ZMYM4: variants seen among roughly 807,000 people sequenced by gnomAD.
ZMYM4 encodes zinc finger MYM-type protein 4.
ZMYM4 carries 31 observed loss-of-function variants against 183.2 expected under a neutral mutation model. That is an observed-to-expected ratio of 0.17 (90% confidence interval 0.13 to 0.23). The LOEUF (loss-of-function observed/expected upper bound fraction) is 0.23, where lower values mean the gene tolerates loss of function less well. Ranked by LOEUF, ZMYM4 falls within the 10% of genes least tolerant of loss-of-function variation. The pLI is 1.00. For synonymous variants in ZMYM4, 592 were observed against 631.2 expected, an observed-to-expected ratio of 0.94 and a Z score of 0.93; for missense variants, 1,273 against 1,840.3, an observed-to-expected ratio of 0.69 and a Z score of 5.64.
chr1:35,385,711 G>T lies in ZMYM4; in HGVS notation c.1720+119G>T, dbSNP rs528900145. ...CACATTTAACATATTTCAGATATTT[G>T]TTGTAAAATATCACCTGTTACCTTG... On this transcript the variant is annotated intron_variant, in intron 10 of 29. Transcript: ENST00000314607. 6 of 1,182,276 alleles carry T rather than the reference G, an allele frequency of 5.1e-6. No homozygotes were observed. In the African/African-American group the frequency reaches 6.4e-5, roughly 13 times the overall value. The allele number at this position is 1,182,276 out of a possible 1,614,324, so 73.2% of individuals were successfully genotyped here.
intron 26 of ZMYM4, 31 bp from the exon 27 acceptor site, chr1:35,413,938 TCAA>T (rs1422112738): frequency 1.7e-6 from 2 of 1,211,004 alleles, no homozygotes; most frequent in Non-Finnish European, 2.3e-6. Flanking sequence ...TTTCTTTTTA[TCAA>T]CATGTATATT....
chr1:35,272,846 C>T (rs1639684329), intron 1 of ZMYM4, among the ~76,000 whole-genome samples: 1 of 152,122 alleles, frequency 6.6e-6, no homozygotes, highest in Non-Finnish European at 1.5e-5. Flanking sequence ...GTAGCTGGGA[C>T]TACAGGCTCC....
At chr1:35,317,660 A>G (rs559678956) in intron 1 of ZMYM4, among the ~76,000 whole-genome samples, 1 of 152,308 alleles carries the variant, frequency 6.6e-6, no homozygotes, top group African/African-American at 2.4e-5. Context: ...GTTTTCTGGT[A>G]AAGATGCTAG....
intron 2 of ZMYM4, among the ~76,000 whole-genome samples, chr1:35,347,140 G>A (rs1274638144): frequency 6.6e-6 from 1 of 152,118 alleles, no homozygotes; most frequent in Non-Finnish European, 1.5e-5. Flanking sequence ...TGAGTAGCTG[G>A]GATTACAGGC....
At chr1:35,378,772 C>T (rs895533144) in intron 7 of ZMYM4, among the ~76,000 whole-genome samples, 2 of 152,194 alleles carry the variant, frequency 1.3e-5, no homozygotes, top group African/African-American at 4.8e-5. Flanking sequence ...GTTTCTTCTA[C>T]ATTGAGAATC....
chr1:35,274,615 TTAAAA>T, intron 1 of ZMYM4, among the ~76,000 whole-genome samples: 2 of 142,440 alleles, frequency 1.4e-5, no homozygotes, highest in African/African-American at 5.3e-5. Flanking sequence ...GTTTTTTTTT[TTAAAA>T]AAAAAAAAAA....
chr1:35,286,325 C>T (rs1276342518), intron 1 of ZMYM4, among the ~76,000 whole-genome samples: 1 of 151,932 alleles, frequency 6.6e-6, no homozygotes, highest in East Asian at 1.9e-4. Flanking sequence ...AATACTGAAA[C>T]ACCTGTATCC....
At chr1:35,368,584 A>C (rs1379116668) in intron 5 of ZMYM4, among the ~76,000 whole-genome samples, 1 of 152,164 alleles carries the variant, frequency 6.6e-6, no homozygotes, top group Non-Finnish European at 1.5e-5. Flanking sequence ...AAATTACTGG[A>C]GTAAATATAA....
rs1426053709 is a variant in ZMYM4, at chr1:35,370,356, T to C, written c.926-16T>C. 7.4e-7 allele frequency: 1 copy of C among 1,347,350 alleles called. No individual in the cohort carries two copies. The highest frequency in any genetic ancestry group is 9.5e-7 in the Non-Finnish European group (1 of 1,055,770). 83.5% of individuals were successfully genotyped at this position (1,347,350 alleles called of 1,614,324 possible). On this transcript the variant is annotated splice_polypyrimidine_tract_variant and intron_variant, in intron 6 of 29. Transcript: ENST00000314607. ...TCTTTCAATTTTTTTTTTTTTTTTT[T>C]TTTTTTTTTTTAAAGCTCCACAGTT...
rs531885818 is a variant in ZMYM4, at chr1:35,377,172, G to A, written c.1182-4087G>A. On this transcript the variant is annotated intron_variant, in intron 7 of 29. Coordinates refer to ENST00000314607, the MANE Select transcript of ZMYM4 (RefSeq NM_005095.3). Reference sequence around the variant, plus strand: ...TCTGCCCACCTCAGCCTCCCAAAGTGCTGGGATTACAGGTGTGAGCCACTG... The same window carrying A: ...TCTGCCCACCTCAGCCTCCCAAAGTACTGGGATTACAGGTGTGAGCCACTG... Among the ~76,000 whole-genome samples, 175 of 152,306 alleles carry A rather than the reference G, an allele frequency of 1.1e-3. 1 individual carries two copies. The highest frequency in any genetic ancestry group is 4.1e-3 in the African/African-American group (169 of 41,578).
At chr1:35,285,562 A>T (rs1640441660) in intron 1 of ZMYM4, among the ~76,000 whole-genome samples, 1 of 152,228 alleles carries the variant, frequency 6.6e-6, no homozygotes. Context: ...TTTATTCCTT[A>T]ATCAAGGACC....
chr1:35,361,172 GT>G (rs751039982), intron 3 of ZMYM4, 21 bp from the exon 4 acceptor site: 1,200 of 1,391,436 alleles, frequency 8.6e-4, no homozygotes, highest in African/African-American at 5.7e-3. Context: ...GTGTTTGTTT[GT>G]TTTTTTTTTC....
intron 26 of ZMYM4, among the ~76,000 whole-genome samples, chr1:35,410,692 A>C (rs1430955036): frequency 7.1e-6 from 1 of 141,700 alleles, no homozygotes; most frequent in Non-Finnish European, 1.5e-5. Context: ...GGGGTTTCAC[A>C]GTATTAGCCA....
chr1:35,395,198 C>CT (rs200080316), intron 18 of ZMYM4, among the ~76,000 whole-genome samples: 32,503 of 132,736 alleles, frequency 0.24, 7,402 homozygotes, highest in East Asian at 0.77. Flanking sequence ...TGATTTAGTT[C>CT]TTTTTTTTTT....
At chr1:35,281,779 A>G (rs1237767217) in intron 1 of ZMYM4, among the ~76,000 whole-genome samples, 2 of 152,176 alleles carry the variant, frequency 1.3e-5, no homozygotes, top group African/African-American at 4.8e-5. Flanking sequence ...CATTTCACCC[A>G]CAATAGAAAC....
intron 17 of ZMYM4, among the ~76,000 whole-genome samples, 164 bp from the exon 18 acceptor site, chr1:35,393,431 A>G (rs1644745970): frequency 6.6e-6 from 1 of 152,166 alleles, no homozygotes; most frequent in Non-Finnish European, 1.5e-5. Flanking sequence ...GATTACTATT[A>G]ATATTTTAGG....
At chr1:35,292,841 G>T (rs1176322264) in intron 1 of ZMYM4, among the ~76,000 whole-genome samples, 1 of 152,012 alleles carries the variant, frequency 6.6e-6, no homozygotes, top group East Asian at 1.9e-4. Flanking sequence ...AGAACCCCCA[G>T]GGGAGTTCCC....
intron 2 of ZMYM4, among the ~76,000 whole-genome samples, chr1:35,327,916 G>A (rs1273964294): frequency 2.0e-5 from 3 of 152,144 alleles, no homozygotes. Flanking sequence ...TGTGGTCAGG[G>A]AAACCAGGCC....
chr1:35,382,291 G>T (rs1340430255), intron 9 of ZMYM4, among the ~76,000 whole-genome samples: 1 of 149,744 alleles, frequency 6.7e-6, no homozygotes, highest in African/African-American at 2.5e-5. Context: ...TATACATATA[G>T]AGAGAGTTTA....
Sources: allele counts gnomAD v4.1 joint callset (sites outside exome capture counted in the v4.1 genomes callset), GRCh38; gene constraint gnomAD v4.1.1; transcripts MANE v1.5; gene names NCBI Gene and HGNC (gene_info 2026-07-23, HGNC 2026-07-21).